Variants in REEP1 observed in about 807,000 individuals in gnomAD.
The protein encoded by REEP1 is receptor accessory protein 1.
A neutral mutation model predicts 40.3 loss-of-function variants in REEP1; 22 were observed. The ratio of observed to expected loss-of-function variants is 0.55; its 90% CI spans 0.39 to 0.78. The LOEUF is 0.78. REEP1 is among the 30% of genes least tolerant of loss of function. REEP1 has a pLI of 0.00. For synonymous variants in REEP1, 116 were observed against 139.2 expected, an observed-to-expected ratio of 0.83 and a Z score of 1.17; for missense variants, 280 against 361.1, an observed-to-expected ratio of 0.78 and a Z score of 1.82.
At chr2:86,334,860 G>A (rs950282513) in intron 1 of REEP1, among the ~76,000 whole-genome samples, 2 of 152,166 alleles carry the variant, frequency 1.3e-5, no homozygotes, top group African/African-American at 4.8e-5. Context: ...GCTCTCCGTG[G>A]TGCTTGGCAA....
intron 3 of REEP1, among the ~76,000 whole-genome samples, chr2:86,257,334 A>G (rs1163857870): frequency 1.5e-5 from 2 of 130,166 alleles, no homozygotes; most frequent in Middle Eastern, 3.2e-3. Flanking sequence ...ATGCATGCAT[A>G]TAGTTAAAAA....
At chr2:86,251,675 G>A (rs950854845) in intron 5 of REEP1, 12 of 483,576 alleles carry the variant, frequency 2.5e-5, no homozygotes, top group Admixed American at 6.6e-5. Context: ...TGTTTCCAGT[G>A]GGGTTGGATA....
chr2:86,217,064 G>A lies in REEP1; in HGVS notation c.830C>T (p.Ser277Leu), dbSNP rs762772312. The A allele has an allele frequency of 6.2e-7, 1 of 1,613,996 alleles. No homozygotes were observed. Among genetic ancestry groups the A allele is most frequent in the African/African-American group, 1.3e-5 (1 of 74,920 alleles). Residue 277 changes from serine to leucine, a missense_variant, in exon 9 of 9, where the codon TCA becomes TTA. Physicochemically the swap from Ser to Leu is moderately radical, Grantham distance 145. This residue lies in a region of REEP1 where 201 missense variants were observed against 238.5 expected (regional missense o/e 0.84). Transcript: ENST00000538924. ...TCACGTGGTTTCGGTGGCCGAGGAT[G>A]AGGTACTTTTCTTCCTGAAGCGAGA... The part of the protein sequence containing the change: ...LRSRFRKKST[S>L]SSATETT
At chr2:86,337,634 C>A (rs967359419), upstream of REEP1, 4 of 1,085,026 alleles carry the variant, frequency 3.7e-6, no homozygotes, top group African/African-American at 6.8e-5. This position sits in a 1 kb window ranked among gnomAD's most constrained non-coding sequence, Gnocchi z 5.8. Flanking sequence ...ACTGAGCGCG[C>A]CCGCCGCCCT....
At chr2:86,330,579 G>T (rs1269832154) in intron 1 of REEP1, among the ~76,000 whole-genome samples, 1 of 151,716 alleles carries the variant, frequency 6.6e-6, no homozygotes, top group Non-Finnish European at 1.5e-5. Context: ...AAGTAGCTGG[G>T]ACCACAGGTG....
chr2:86,217,840 G>A (rs187771051), intron 8 of REEP1, among the ~76,000 whole-genome samples: 1 of 151,932 alleles, frequency 6.6e-6, no homozygotes, highest in Admixed American at 6.6e-5. Flanking sequence ...TATATGAAGG[G>A]CTCCACCTCA....
Position 86,244,985 on chromosome 2 carries a change from A to G in REEP1, c.417+6972T>C, listed in dbSNP as rs535919503. Among the ~76,000 whole-genome samples the G allele has an allele frequency of 3.9e-5, 6 of 152,242 alleles. No homozygotes were observed. In the South Asian group the frequency reaches 1.2e-3, roughly 32 times the overall value. ...CATGGCGAAACCCTGTCTCTACTAAACAATACAAAAACTAGCCAGGCGTGG... is the reference window on the plus strand; with the variant it reads ...CATGGCGAAACCCTGTCTCTACTAAGCAATACAAAAACTAGCCAGGCGTGG... On this transcript the variant is annotated intron_variant, in intron 5 of 8. Coordinates refer to ENST00000538924, the MANE Select transcript of REEP1 (RefSeq NM_001371279.1).
At chr2:86,231,841 G>A (rs1045966356) in intron 6 of REEP1, among the ~76,000 whole-genome samples, 7 of 152,158 alleles carry the variant, frequency 4.6e-5, no homozygotes, top group Non-Finnish European at 8.8e-5. Flanking sequence ...TGGTGGATCC[G>A]ATGTCGGGGG....
chr2:86,308,036 T>C (rs1360744471), intron 1 of REEP1, among the ~76,000 whole-genome samples: 1 of 152,206 alleles, frequency 6.6e-6, no homozygotes, highest in African/African-American at 2.4e-5. Flanking sequence ...ACAGGGGTTG[T>C]CAGGCATTCC....
At chr2:86,258,061 G>A (rs1297226464) in intron 3 of REEP1, among the ~76,000 whole-genome samples, 3 of 152,238 alleles carry the variant, frequency 2.0e-5, no homozygotes, top group African/African-American at 4.8e-5. Flanking sequence ...GTGCTGAGGG[G>A]AGTAACTATC....
At chr2:86,288,076 G>C (rs953524165) in intron 1 of REEP1, among the ~76,000 whole-genome samples, 1 of 149,090 alleles carries the variant, frequency 6.7e-6, no homozygotes, top group African/African-American at 2.6e-5. Context: ...AGGCTGGAGT[G>C]CAGTGGCACA....
chr2:86,226,084 C>CCACCAT (rs1674669115), intron 7 of REEP1, among the ~76,000 whole-genome samples: 1 of 127,052 alleles, frequency 7.9e-6, no homozygotes, highest in Non-Finnish European at 1.6e-5. Flanking sequence ...ATCACCACCA[C>CCACCAT]CACCACCACC....
rs980475048 is a variant in REEP1 at position 86,214,934 on chromosome 2, T to C, written c.*2105A>G. On this transcript the variant is annotated 3_prime_UTR_variant, in exon 9 of 9. Transcript: ENST00000538924. ...TCTCCATTGTAAAATGGCGAAAATATAGGTTGTTCACGATAGGATTTTAAA... is the reference window on the plus strand; with the variant it reads ...TCTCCATTGTAAAATGGCGAAAATACAGGTTGTTCACGATAGGATTTTAAA... The C allele has an allele frequency of 5.3e-5, 8 of 150,736 alleles. No homozygotes were observed. The highest frequency in any genetic ancestry group is 2.0e-4 in the African/African-American group (8 of 41,020). The allele number at this position is 150,736 out of a possible 1,614,324, so 9.3% of individuals were successfully genotyped here.
intron 5 of REEP1, among the ~76,000 whole-genome samples, chr2:86,247,003 T>C (rs1676004178): frequency 6.6e-6 from 1 of 152,156 alleles, no homozygotes; most frequent in South Asian, 2.1e-4. Context: ...GGCCAGCCTA[T>C]GGTTTATTTT....
rs70956106 is a variant in REEP1, at chr2:86,229,598, C to CTT, written c.596-2202_596-2201dup. ...CCCAGGCCATCTTTCACCTGTCTTCCTTTTTTTTTTTTTTTTTTTTTTTTT... is the reference window on the plus strand; with the variant it reads ...CCCAGGCCATCTTTCACCTGTCTTCCTTTTTTTTTTTTTTTTTTTTTTTTTTT... On this transcript the variant is annotated intron_variant, in intron 6 of 8. Coordinates refer to ENST00000538924, the MANE Select transcript of REEP1 (RefSeq NM_001371279.1). Among the ~76,000 whole-genome samples the CTT allele has an allele frequency of 4.2e-3, 478 of 114,374 alleles. 17 individuals carry two copies. Among genetic ancestry groups the CTT allele is most frequent in the South Asian group, 0.012 (34 of 2,828 alleles). The allele number at this position is 114,374 out of a possible 152,430, so 75.0% of individuals were successfully genotyped here.
chr2:86,246,064 G>A (rs1042884382), intron 5 of REEP1, among the ~76,000 whole-genome samples: 11 of 151,894 alleles, frequency 7.2e-5, no homozygotes, highest in African/African-American at 2.4e-4. Flanking sequence ...GTGCCCAGCC[G>A]GTATACTCAA....
At chr2:86,245,814 G>A (rs1426172777) in intron 5 of REEP1, among the ~76,000 whole-genome samples, 1 of 151,072 alleles carries the variant, frequency 6.6e-6, no homozygotes, top group East Asian at 1.9e-4. Flanking sequence ...TCCCAGGCTG[G>A]AGTGCAGTGG....
chr2:86,320,881 C>T (rs1169371649), intron 1 of REEP1, among the ~76,000 whole-genome samples: 1 of 152,194 alleles, frequency 6.6e-6, no homozygotes, highest in African/African-American at 2.4e-5. Context: ...TGCAATGGCA[C>T]GATCTCGGCT....
chr2:86,333,577 C>T (rs764855783), intron 1 of REEP1, among the ~76,000 whole-genome samples: 11 of 152,166 alleles, frequency 7.2e-5, no homozygotes, highest in Non-Finnish European at 1.5e-4. Flanking sequence ...GCTCTTGATC[C>T]GTTCAGCCAA....
Sources: allele counts gnomAD v4.1 joint callset (sites outside exome capture counted in the v4.1 genomes callset), GRCh38; gene constraint gnomAD v4.1.1; regional missense constraint gnomAD v4.1.1; non-coding constraint Gnocchi (gnomAD v3.1); transcripts MANE v1.5; gene names NCBI Gene and HGNC (gene_info 2026-07-23, HGNC 2026-07-21).